AASS: variants seen among roughly 807,000 people sequenced by gnomAD.
AASS encodes aminoadipate-semialdehyde synthase.
Under a neutral mutation model 105.4 loss-of-function variants are expected in AASS, and 86 were observed. That is an observed-to-expected ratio of 0.82 (90% CI 0.69 to 0.98). The LOEUF is 0.98. AASS is among the 50% of genes least tolerant of loss of function. The pLI is 0.00. For synonymous variants in AASS, 381 were observed against 394.8 expected (o/e 0.96, Z 0.41); for missense variants, 1,048 against 1,143.2 (o/e 0.92, Z 1.20).
intron 2 of AASS, 110 bp from the exon 3 acceptor site, chr7:122,129,647 T>C (rs1053091667): frequency 3.0e-6 from 3 of 989,244 alleles, no homozygotes; most frequent in African/African-American, 1.6e-5. Flanking sequence ...GAATAAAATC[T>C]GTATGAATTA....
intron 17 of AASS, 57 bp downstream of exon 17, chr7:122,092,786 T>G (rs1793969127): frequency 2.2e-6 from 3 of 1,389,044 alleles, no homozygotes; most frequent in Non-Finnish European, 3.1e-6. Flanking sequence ...ATACTTTGAT[T>G]CTGTACACAA....
At chr7:122,080,396 G>C (rs1584806405) in intron 20 of AASS, among the ~76,000 whole-genome samples, 1 of 152,268 alleles carries the variant, frequency 6.6e-6, no homozygotes, top group East Asian at 1.9e-4. Context: ...TACTGACAGA[G>C]ACCGTGTGGC....
intron 18 of AASS, 124 bp downstream of exon 18, chr7:122,091,579 C>T (rs1793899393): frequency 2.1e-6 from 3 of 1,427,644 alleles, no homozygotes; most frequent in Non-Finnish European, 9.8e-7. Flanking sequence ...GGAAACAACA[C>T]AGGAGGAGAT....
chr7:122,110,035 G>C (rs1460771222), intron 11 of AASS, among the ~76,000 whole-genome samples: 1 of 151,990 alleles, frequency 6.6e-6, no homozygotes, highest in African/African-American at 2.4e-5. Context: ...TATTGCTAAA[G>C]AGAAACACAG....
intron 1 of AASS, among the ~76,000 whole-genome samples, chr7:122,142,031 G>A (rs187134100): frequency 2.0e-5 from 3 of 152,172 alleles, no homozygotes; most frequent in Admixed American, 1.3e-4. Context: ...ATTCACCTAA[G>A]CTACCTGCAT....
intron 19 of AASS, chr7:122,083,029 A>T (rs1210538112): frequency 2.4e-6 from 1 of 424,746 alleles, no homozygotes; most frequent in Non-Finnish European, 4.5e-6. Context: ...CTTATCTGCA[A>T]TTACTGCTCA....
chr7:122,082,969 C>G, intron 19 of AASS: 2 of 895,124 alleles, frequency 2.2e-6, no homozygotes, highest in East Asian at 6.2e-5. Flanking sequence ...GGTTTATTCC[C>G]CAGTGTGCAA....
chr7:122,091,213 T>C (rs919972006), intron 18 of AASS, among the ~76,000 whole-genome samples: 2 of 152,134 alleles, frequency 1.3e-5, no homozygotes, highest in Non-Finnish European at 1.5e-5. Context: ...CTTGGAGAGT[T>C]CTTATGCTCT....
At chr7:122,118,240 C>T in intron 6 of AASS, 67 bp downstream of exon 6, 1 of 1,572,480 alleles carries the variant, frequency 6.4e-7, no homozygotes, top group Admixed American at 1.7e-5. Flanking sequence ...AAAATGGCTG[C>T]CCACATCATT....
At chr7:122,100,734 T>C (rs1431682510) in intron 13 of AASS, among the ~76,000 whole-genome samples, 1 of 151,654 alleles carries the variant, frequency 6.6e-6, no homozygotes, top group Non-Finnish European at 1.5e-5. Context: ...AAAAATAAAA[T>C]CAATGTTTTC....
chr7:122,133,722 A>C lies in AASS; in HGVS notation c.5T>G (p.Leu2Arg), dbSNP rs1796016698. ...GCCCAGTCCAGTCCTATGTACTTGC[A>C]GCATCTTGACACCTGGTGACTGTAA... M[L>R]QVHRTGLGRL... is the part of the protein sequence containing the mutation. Residue 2 changes from leucine (L) to arginine (R), a missense_variant, in exon 2 of 24, where the codon CTG becomes CGG. Transcript: ENST00000417368. 6.2e-7 allele frequency: 1 copy of C among 1,614,132 alleles called. No individual in the cohort carries two copies. Among genetic ancestry groups the C allele is most frequent in the African/African-American group, 1.3e-5 (1 of 75,044 alleles).
chr7:122,113,634 CA>C lies in AASS; in HGVS notation c.1129del (p.Cys377AlafsTer20). Reference protein sequence around the residue: ...TECTTIEHPFCMYDADQHIIH... With the variant: ...TECTTIEHPFXMYDADQHIIH... Reference sequence around the variant, plus strand: ...AATATGCTGGTCTGCATCATACATGCAAAAGGGATGCTCTATTGTTGTACAC... The same window carrying C: ...AATATGCTGGTCTGCATCATACATGCAAAGGGATGCTCTATTGTTGTACAC... On this transcript the variant is annotated frameshift_variant, in exon 10 of 24. Coordinates refer to ENST00000417368, the MANE Select transcript of AASS (RefSeq NM_005763.4). LOFTEE classifies it high-confidence loss of function. The C allele has an allele frequency of 6.2e-7, 1 of 1,613,652 alleles. No homozygotes were observed. Among genetic ancestry groups the C allele is most frequent in the Non-Finnish European group, 8.5e-7 (1 of 1,179,924 alleles).
intron 20 of AASS, among the ~76,000 whole-genome samples, chr7:122,079,915 A>G (rs907055444): frequency 3.9e-5 from 6 of 152,204 alleles, no homozygotes; most frequent in African/African-American, 1.4e-4. Context: ...CTGCTATTCC[A>G]AACGATATTT....
chr7:122,080,372 G>A (rs1194108996), intron 20 of AASS, among the ~76,000 whole-genome samples: 1 of 152,056 alleles, frequency 6.6e-6, no homozygotes, highest in Admixed American at 6.6e-5. Flanking sequence ...ATCGTCTATG[G>A]GAGAACTGAG....
intron 17 of AASS, 75 bp from the exon 18 acceptor site, chr7:122,091,918 T>C (rs1160880072): frequency 3.7e-5 from 40 of 1,072,790 alleles, no homozygotes; most frequent in Non-Finnish European, 5.5e-5. Flanking sequence ...TTGAAGACAA[T>C]GATATGAATG....
intron 1 of AASS, among the ~76,000 whole-genome samples, chr7:122,140,485 C>CAAAAAAAAAAAAAAAAAAAAAAAAAAA (rs57828681): frequency 3.5e-4 from 13 of 37,334 alleles, no homozygotes; most frequent in East Asian, 9.1e-4. Flanking sequence ...GACTCAGTCT[C>CAAAAAAAAAAAAAAAAAAAAAAAAAAA]AAAAAAAAAA....
chr7:122,076,888 G>C, intron 23 of AASS, among the ~76,000 whole-genome samples: 1 of 152,276 alleles, frequency 6.6e-6, no homozygotes, highest in South Asian at 2.1e-4. Flanking sequence ...GACAATCAGA[G>C]AACAAAGTAA....
At chr7:122,137,155 T>C (rs1796182193) in intron 1 of AASS, among the ~76,000 whole-genome samples, 1 of 152,244 alleles carries the variant, frequency 6.6e-6, no homozygotes, top group Non-Finnish European at 1.5e-5. Flanking sequence ...CATGCCAAGC[T>C]CTATGCTGAG....
At chr7:122,108,103 A>G (rs1475395538) in intron 11 of AASS, among the ~76,000 whole-genome samples, 1 of 152,026 alleles carries the variant, frequency 6.6e-6, no homozygotes, top group Non-Finnish European at 1.5e-5. Context: ...CATACAACCT[A>G]CCAAGATTGA....
Sources: allele counts gnomAD v4.1 joint callset (sites outside exome capture counted in the v4.1 genomes callset), GRCh38; gene constraint gnomAD v4.1.1; transcripts MANE v1.5; gene names NCBI Gene and HGNC (gene_info 2026-07-23, HGNC 2026-07-21).